The following ANP32B variants were observed in gnomAD, a reference collection of about 807,000 sequenced individuals.
The protein encoded by ANP32B is acidic nuclear phosphoprotein 32 family member B, also known as acidic leucine-rich nuclear phosphoprotein 32 family member B.
ANP32B carries 6 observed loss-of-function variants against 32.2 expected under a neutral mutation model. The observed-to-expected ratio is 0.19, with a 90% CI of 0.10 to 0.37. The LOEUF (loss-of-function observed/expected upper bound fraction) is 0.37, where lower values mean the gene tolerates loss of function less well. Ranked by LOEUF, ANP32B falls within the 10% of genes least tolerant of loss-of-function variation. The pLI, the probability that ANP32B is intolerant of heterozygous loss-of-function variation, is 1.00. For synonymous variants in ANP32B, 98 were observed against 105.8 expected (o/e 0.93, Z 0.45); for missense variants, 204 against 289.2 (o/e 0.71, Z 2.14).
In ANP32B at chr9:98,012,403, C is replaced by T; in HGVS notation, c.637-18C>T. The T allele has an allele frequency of 6.2e-7, 1 of 1,608,894 alleles. No individual in the cohort carries two copies. The highest frequency in any genetic ancestry group is 8.5e-7 in the Non-Finnish European group (1 of 1,178,266). On this transcript the variant is annotated intron_variant, in intron 5 of 6. Transcript: ENST00000339399. ...TTGGCAGAATTAATTTAATGTTATG[C>T]TGTTTGCTATTCTTTAGGAAGAAGA...
At chr9:97,986,451 G>A (rs899809251) in intron 1 of ANP32B, 8 of 152,226 alleles carry the variant, frequency 5.3e-5, no homozygotes, top group African/African-American at 1.9e-4. Context: ...GAGACCAGTG[G>A]GAGTTAGGTA....
chr9:97,985,474 C>T (rs563662970), intron 1 of ANP32B, among the ~76,000 whole-genome samples: 2 of 152,280 alleles, frequency 1.3e-5, no homozygotes, highest in East Asian at 1.9e-4. Context: ...GCTAGCCTAT[C>T]GCCCAGCTCG....
Position 98,012,520 on chromosome 9 carries a change from A to T in ANP32B, c.688+48A>T, listed in dbSNP as rs1393151432. ...GATCATTCTCAGTTAAAAATTAGAG[A>T]AAAACATCCATTATTTAGAATATGA... is the stretch of plus-strand genomic sequence containing the variant. On this transcript the variant is annotated intron_variant, in intron 6 of 6. Transcript: ENST00000339399. 3 of 1,604,658 alleles carry T rather than the reference A, an allele frequency of 1.9e-6. No individual in the cohort carries two copies. In the East Asian group the frequency reaches 6.7e-5, roughly 36 times the overall value.
intron 1 of ANP32B, 98 bp downstream of exon 1, chr9:97,983,707 C>T (rs1002013857): frequency 1.0e-6 from 1 of 1,000,388 alleles, no homozygotes. Context: ...GGCCCCGGCG[C>T]GGGGAAGAGC....
chr9:98,000,453 C>A (rs1779432326), intron 3 of ANP32B, among the ~76,000 whole-genome samples: 1 of 152,172 alleles, frequency 6.6e-6, no homozygotes, highest in Non-Finnish European at 1.5e-5. Flanking sequence ...ACCCCCATTT[C>A]CAGTATTTAA....
At chr9:97,984,611 G>C (rs1475103379) in intron 1 of ANP32B, 1 of 150,748 alleles carries the variant, frequency 6.6e-6, no homozygotes, top group Non-Finnish European at 1.5e-5. Flanking sequence ...CCCTGCGCCT[G>C]GTGAGCCGGC....
intron 1 of ANP32B, among the ~76,000 whole-genome samples, chr9:97,991,526 G>A (rs1201492734): frequency 6.6e-6 from 1 of 152,090 alleles, no homozygotes; most frequent in Non-Finnish European, 1.5e-5. Flanking sequence ...AAAAAAAATA[G>A]AAGATATCCT....
rs763207163 is a variant in ANP32B, at chr9:97,998,788, C to CTT, written c.327+146_327+147dup. 33 of 26,346 alleles carry CTT rather than the reference C, an allele frequency of 1.3e-3. 14 individuals carry two copies. Among genetic ancestry groups the CTT allele is most frequent in the Non-Finnish European group, 1.2e-3 (19 of 16,482 alleles). 1.6% of individuals were successfully genotyped at this position (26,346 alleles called of 1,614,324 possible). A position where few individuals can be genotyped will look rare whatever the true frequency, so the allele number is the denominator to read the frequency against. ...TAATAATTGGTTGAGAAAGTGGTGG[C>CTT]TTTTTTTTTTTTTTTTTTTTTTTTT... is the stretch of plus-strand genomic sequence containing the variant. On this transcript the variant is annotated intron_variant, in intron 3 of 6. Transcript: ENST00000339399.
intron 3 of ANP32B, among the ~76,000 whole-genome samples, chr9:98,001,348 T>G (rs988139552): frequency 6.6e-6 from 1 of 152,030 alleles, no homozygotes; most frequent in African/African-American, 2.4e-5. Flanking sequence ...CCTGCCACCA[T>G]GCCTGGCTAA....
rs112777567 is a variant in ANP32B at position 98,006,210 on chromosome 9, T to G, written c.517+1057T>G. Among the ~76,000 whole-genome samples, 305 of 152,264 alleles carry G rather than the reference T, an allele frequency of 2.0e-3. 1 individual carries two copies. Among genetic ancestry groups the G allele is most frequent in the African/African-American group, 6.8e-3 (283 of 41,560 alleles). On this transcript the variant is annotated intron_variant, in intron 4 of 6. Transcript: ENST00000339399. ...TTTACAGAGATGATAATAAATCAATTGCTTGCAGACTCATCAACCCCTATC... is the reference window on the plus strand; with the variant it reads ...TTTACAGAGATGATAATAAATCAATGGCTTGCAGACTCATCAACCCCTATC...
At position 98,011,311 on chromosome 9, in the gene ANP32B, A is replaced by G; in HGVS notation, c.558A>G (p.Glu186=). The part of the protein sequence containing the change: ...DEEDEDDEDG[E]EEEFDEEDDE... ...AAGACGAGGACGATGAGGATGGTGA[A>G]GAAGAGGAGTTTGATGAAGAAGATG... is the stretch of plus-strand genomic sequence containing the variant. The change falls in exon 5 of 7, where the codon GAA becomes GAG. Residue 186 remains glutamate (E), a synonymous_variant. Transcript: ENST00000339399. The G allele has an allele frequency of 6.5e-7, 1 of 1,549,210 alleles. No homozygotes were observed. The highest frequency in any genetic ancestry group is 8.7e-7 in the Non-Finnish European group (1 of 1,143,766).
intron 1 of ANP32B, among the ~76,000 whole-genome samples, chr9:97,990,015 G>T (rs1429527348): frequency 1.3e-5 from 2 of 152,180 alleles, no homozygotes; most frequent in Non-Finnish European, 2.9e-5. Flanking sequence ...AGGGGTTGGA[G>T]GGGTAGTCTT....
intron 6 of ANP32B, among the ~76,000 whole-genome samples, chr9:98,013,923 G>A (rs2131593857): frequency 6.6e-6 from 1 of 152,256 alleles, no homozygotes; most frequent in Middle Eastern, 3.4e-3. Flanking sequence ...GGGAAGCTGA[G>A]GTGGGAGGAC....
chr9:98,010,268 T>G (rs970542410), intron 4 of ANP32B, among the ~76,000 whole-genome samples: 2 of 151,198 alleles, frequency 1.3e-5, no homozygotes, highest in Admixed American at 1.3e-4. Flanking sequence ...TGGTGTTTTT[T>G]TTTTTTTGTT....
intron 2 of ANP32B, among the ~76,000 whole-genome samples, chr9:97,996,474 A>G (rs72753600): frequency 2.0e-5 from 3 of 152,324 alleles, no homozygotes; most frequent in Non-Finnish European, 2.9e-5. Flanking sequence ...TTAACATTTA[A>G]AACATTAATC....
chr9:97,988,651 G>A (rs1438173587), intron 1 of ANP32B, among the ~76,000 whole-genome samples: 2 of 152,142 alleles, frequency 1.3e-5, no homozygotes, highest in Admixed American at 6.6e-5. Flanking sequence ...CTTGAACCCC[G>A]GGGACAGAGT....
intron 6 of ANP32B, 57 bp downstream of exon 6, chr9:98,012,529 CATT>C: frequency 6.2e-7 from 1 of 1,602,394 alleles, no homozygotes; most frequent in Non-Finnish European, 8.5e-7. Context: ...GAAAAACATC[CATT>C]ATTTAGAATA....
At chr9:98,001,181 T>C (rs1477315817) in intron 3 of ANP32B, among the ~76,000 whole-genome samples, 3 of 151,826 alleles carry the variant, frequency 2.0e-5, no homozygotes, top group African/African-American at 7.3e-5. Context: ...CCCCTTTTTT[T>C]TTCTGGTTTA....
chr9:97,996,884 G>T (rs1370183155), intron 2 of ANP32B, among the ~76,000 whole-genome samples: 1 of 152,032 alleles, frequency 6.6e-6, no homozygotes, highest in Non-Finnish European at 1.5e-5. Flanking sequence ...ACAGGTGTGA[G>T]CCACCGTGCC....
Sources: allele counts gnomAD v4.1 joint callset (sites outside exome capture counted in the v4.1 genomes callset), GRCh38; gene constraint gnomAD v4.1.1; transcripts MANE v1.5; gene names NCBI Gene and HGNC (gene_info 2026-07-23, HGNC 2026-07-21).